Variants in SLC24A2 observed in about 807,000 individuals in gnomAD.
SLC24A2 encodes solute carrier family 24 member 2, also known as sodium/potassium/calcium exchanger 2.
A neutral mutation model predicts 62.0 loss-of-function variants in SLC24A2; 36 were observed. The observed-to-expected ratio is 0.58, with a 90% CI of 0.44 to 0.77. The LOEUF is 0.77. Ranked by LOEUF, SLC24A2 falls within the 30% of genes least tolerant of loss-of-function variation. The probability of loss-of-function intolerance (pLI) is 0.00; values close to 1 mark genes in which losing one functional copy is unlikely to be tolerated. For synonymous variants in SLC24A2, 358 were observed against 294.0 expected, an observed-to-expected ratio of 1.22 and a Z score of -2.23; for missense variants, 846 against 817.9, an observed-to-expected ratio of 1.03 and a Z score of -0.42.
rs1475895289 is a variant in SLC24A2 at position 19,509,800 on chromosome 9, C to G, written c.*6353G>C. On this transcript the variant is annotated 3_prime_UTR_variant, in exon 11 of 11. Coordinates refer to ENST00000341998, the MANE Select transcript of SLC24A2 (RefSeq NM_020344.4). ...TTGGAGAACTGTTAGTCTCCAAGGC[C>G]TTAGTTACTTATGGATCCATTATGA... 6.6e-6 allele frequency: 1 copy of G among 152,014 alleles called. No homozygotes were observed. Among genetic ancestry groups the G allele is most frequent in the Non-Finnish European group, 1.5e-5 (1 of 67,998 alleles). 9.4% of individuals were successfully genotyped at this position (152,014 alleles called of 1,614,324 possible).
At chr9:20,128,898 T>C in the SLC24A2 span, among the ~76,000 whole-genome samples, 1 of 152,094 alleles carries the variant, frequency 6.6e-6, no homozygotes, top group African/African-American at 2.4e-5. Flanking sequence ...GACTCGTACA[T>C]ATGATGCCAA....
chr9:19,554,215 G>C (rs1474323709), intron 7 of SLC24A2, among the ~76,000 whole-genome samples: 6 of 152,186 alleles, frequency 3.9e-5, no homozygotes, highest in African/African-American at 1.4e-4. Flanking sequence ...AAAGGAGAGA[G>C]GCCTCTGAGG....
the SLC24A2 span, among the ~76,000 whole-genome samples, chr9:20,212,976 C>G: frequency 6.6e-6 from 1 of 151,564 alleles, no homozygotes; most frequent in Non-Finnish European, 1.5e-5. Flanking sequence ...AAAATGTGAA[C>G]ACATAGACAC....
intron 2 of SLC24A2, among the ~76,000 whole-genome samples, chr9:19,708,654 GA>G (rs893261192): frequency 1.3e-5 from 2 of 152,206 alleles, no homozygotes; most frequent in African/African-American, 4.8e-5. Flanking sequence ...AAGCAATGGG[GA>G]AAGGATTCCC....
chr9:19,786,118 A>G lies in SLC24A2; in HGVS notation c.749T>C (p.Ile250Thr), dbSNP rs1823162647. ...RDVSFYIVDL[I>T]MLIIFFLDNV... is the part of the protein sequence containing the mutation. ...ATCCAGGAAAAATATGATCAGCATG[A>G]TCAAGTCAACAATGTAGAAAGACAC... Residue 250 changes from isoleucine to threonine, a missense_variant, in exon 2 of 11, where the codon ATC (isoleucine) becomes ACC (threonine). Physicochemically the swap from Ile to Thr is moderately conservative, Grantham distance 89. Transcript: ENST00000341998. The surrounding 1 kb of genome is among the most constrained non-coding windows in gnomAD (Gnocchi z 5.0). 1 of 1,614,098 alleles carries G rather than the reference A, an allele frequency of 6.2e-7. No individual in the cohort carries two copies. The highest frequency in any genetic ancestry group is 1.3e-5 in the African/African-American group (1 of 74,942).
the SLC24A2 span, among the ~76,000 whole-genome samples, chr9:19,876,476 G>T: frequency 6.6e-6 from 1 of 151,642 alleles, no homozygotes; most frequent in Admixed American, 6.6e-5. Flanking sequence ...AAGACCCTCT[G>T]GCTGAATTCT....
At chr9:19,635,033 A>AT (rs1818276460) in intron 2 of SLC24A2, among the ~76,000 whole-genome samples, 1 of 152,194 alleles carries the variant, frequency 6.6e-6, no homozygotes, top group African/African-American at 2.4e-5. Flanking sequence ...TTCCTAGGAC[A>AT]TATCTTATCT....
At chr9:19,833,835 C>T in the SLC24A2 span, among the ~76,000 whole-genome samples, 915 of 152,314 alleles carry the variant, frequency 6.0e-3, 12 homozygotes, top group African/African-American at 0.02. Context: ...CAACTAGGGG[C>T]GGACTGACAC....
chr9:19,649,864 G>A, intron 2 of SLC24A2, among the ~76,000 whole-genome samples: 1 of 152,202 alleles, frequency 6.6e-6, no homozygotes, highest in East Asian at 1.9e-4. Context: ...CTCCAAATTA[G>A]GTCTGAATTC....
the SLC24A2 span, among the ~76,000 whole-genome samples, chr9:20,225,542 T>C: frequency 1.9e-5 from 2 of 106,048 alleles, 1 homozygote; most frequent in East Asian, 7.4e-4. Context: ...GTTTGTGATA[T>C]CTTCTATACT....
chr9:20,079,525 T>C, the SLC24A2 span, among the ~76,000 whole-genome samples: 2 of 152,210 alleles, frequency 1.3e-5, no homozygotes, highest in Non-Finnish European at 1.5e-5. Flanking sequence ...ATACTGCACA[T>C]TGGCCACAAA....
the SLC24A2 span, among the ~76,000 whole-genome samples, chr9:20,064,796 G>C: frequency 1.3e-5 from 2 of 152,082 alleles, no homozygotes; most frequent in Non-Finnish European, 2.9e-5. Flanking sequence ...AGAATAAAAG[G>C]CATACAATAT....
the SLC24A2 span, among the ~76,000 whole-genome samples, chr9:19,988,086 C>A: frequency 6.6e-6 from 1 of 152,164 alleles, no homozygotes; most frequent in Non-Finnish European, 1.5e-5. Context: ...GCTAGGGGCA[C>A]AAGGAGGGAT....
the SLC24A2 span, among the ~76,000 whole-genome samples, chr9:19,855,034 C>G: frequency 6.6e-6 from 1 of 152,122 alleles, no homozygotes; most frequent in East Asian, 1.9e-4. Context: ...AACCCTTTAC[C>G]ATTATGTAAT....
At chr9:19,720,172 AC>A (rs1327290291) in intron 2 of SLC24A2, among the ~76,000 whole-genome samples, 2 of 152,196 alleles carry the variant, frequency 1.3e-5, no homozygotes, top group Non-Finnish European at 2.9e-5. Context: ...AATGTAGGTA[AC>A]CCTTTCTTTG....
chr9:19,575,312 G>A (rs12684123), intron 6 of SLC24A2, among the ~76,000 whole-genome samples: 11,309 of 152,162 alleles, frequency 0.074, 801 homozygotes, highest in East Asian at 0.3. Flanking sequence ...ATAAAACTCT[G>A]TTTGGAGAAT....
chr9:20,070,679 T>A, the SLC24A2 span, among the ~76,000 whole-genome samples: 2 of 152,196 alleles, frequency 1.3e-5, no homozygotes, highest in African/African-American at 2.4e-5. Context: ...TTATGCAAGA[T>A]CATTAGGATA....
the SLC24A2 span, among the ~76,000 whole-genome samples, chr9:19,856,274 C>A: frequency 6.6e-6 from 1 of 152,182 alleles, no homozygotes; most frequent in Non-Finnish European, 1.5e-5. Flanking sequence ...CCTTCTGAAG[C>A]CTACTTCTGT....
chr9:20,228,540 T>G, the SLC24A2 span, among the ~76,000 whole-genome samples: 1 of 151,936 alleles, frequency 6.6e-6, no homozygotes, highest in Non-Finnish European at 1.5e-5. Flanking sequence ...TGACTCCAAG[T>G]GGAAGGGAGT....
Sources: gnomAD v4.1 joint callset for allele counts (sites outside exome capture counted in the v4.1 genomes callset) on GRCh38, gnomAD v4.1.1 for gene constraint, Gnocchi (gnomAD v3.1) non-coding constraint, MANE v1.5 for transcripts, NCBI Gene and HGNC (gene_info 2026-07-23, HGNC 2026-07-21) for gene names.